TENM2: variants seen among roughly 807,000 people sequenced by gnomAD.
TENM2 encodes the protein teneurin transmembrane protein 2.
In TENM2, 52 loss-of-function variants were observed where a neutral mutation model predicts 245.2. The observed-to-expected ratio is 0.21, with a 90% CI of 0.17 to 0.27. The LOEUF is 0.27. TENM2 is among the 10% of genes least tolerant of loss of function. TENM2 has a pLI of 1.00. For synonymous variants in TENM2, 1,363 were observed against 1,438.9 expected (o/e 0.95, Z 1.19); for missense variants, 3,046 against 3,666.8 (o/e 0.83, Z 4.37).
At chr5:167,344,406 T>G (rs1758339199) in intron 1 of TENM2, among the ~76,000 whole-genome samples, 1 of 151,328 alleles carries the variant, frequency 6.6e-6, no homozygotes, top group Non-Finnish European at 1.5e-5. Context: ...GAATTGCATT[T>G]GCTATTTTTA....
intron 2 of TENM2, among the ~76,000 whole-genome samples, chr5:167,818,545 T>C (rs748455032): frequency 1.3e-5 from 2 of 152,098 alleles, no homozygotes; most frequent in African/African-American, 2.4e-5. Flanking sequence ...ATGAGGAAAC[T>C]GAGTCTCAAG....
rs766380827 is a variant in TENM2, at chr5:168,134,620, G to A, written c.2422+7654G>A. The stretch of plus-strand genomic sequence containing the variant: ...GAGAATCACTTGAACTCGGGAGGCA[G>A]AGGTTGCAGTGAGCCGAGATTGCGC... On this transcript the variant is annotated intron_variant, in intron 12 of 28. Coordinates refer to ENST00000518659, the Ensembl canonical transcript of TENM2. Among the ~76,000 whole-genome samples the A allele has an allele frequency of 3.9e-4, 60 of 152,190 alleles. 1 individual carries two copies. The highest frequency in any genetic ancestry group is 1.5e-4 in the Non-Finnish European group (10 of 68,038).
At chr5:167,921,992 T>A (rs1488620908) in intron 3 of TENM2, among the ~76,000 whole-genome samples, 2 of 152,062 alleles carry the variant, frequency 1.3e-5, no homozygotes, top group Non-Finnish European at 2.9e-5. Context: ...TTCAGTGAAG[T>A]CTCATGAGTC....
At chr5:168,140,550 G>A (rs931522069) in intron 12 of TENM2, among the ~76,000 whole-genome samples, 8 of 152,108 alleles carry the variant, frequency 5.3e-5, no homozygotes, top group African/African-American at 1.7e-4. Context: ...GTGTGCATGC[G>A]TGTGTGTGCG....
intron 2 of TENM2, among the ~76,000 whole-genome samples, chr5:167,545,724 A>G (rs1772520405): frequency 6.6e-6 from 1 of 152,182 alleles, no homozygotes; most frequent in Non-Finnish European, 1.5e-5. Flanking sequence ...ACAAAGCCCT[A>G]TTTAAATACT....
chr5:167,967,193 G>A (rs1781446151), intron 4 of TENM2: 1 of 152,058 alleles, frequency 6.6e-6, no homozygotes, highest in Non-Finnish European at 1.5e-5. Context: ...CAAGGGGGTT[G>A]GTTGTTGGAT....
At chr5:168,217,267 T>C (rs983203405) in intron 22 of TENM2, among the ~76,000 whole-genome samples, 3 of 152,214 alleles carry the variant, frequency 2.0e-5, no homozygotes, top group East Asian at 1.9e-4. Context: ...TACAGTGTTA[T>C]ATGTCAATCA....
the TENM2 span, among the ~76,000 whole-genome samples, chr5:167,082,622 AGTT>A: frequency 6.6e-6 from 1 of 152,158 alleles, no homozygotes; most frequent in Non-Finnish European, 1.5e-5. Flanking sequence ...CTTTTGACAC[AGTT>A]GTTACTTCAA....
chr5:167,138,923 T>C, the TENM2 span, among the ~76,000 whole-genome samples: 1 of 152,180 alleles, frequency 6.6e-6, no homozygotes, highest in Non-Finnish European at 1.5e-5. Context: ...GCGCCTGGCC[T>C]GTTTTACTAA....
chr5:166,979,191 C>G, the TENM2 span, among the ~76,000 whole-genome samples: 145 of 85,266 alleles, frequency 1.7e-3, 1 homozygote, highest in East Asian at 4.9e-3. Flanking sequence ...AGCAGCACCA[C>G]CACCAGCAGC....
At chr5:167,381,111 A>G (rs1761073404) in intron 2 of TENM2, among the ~76,000 whole-genome samples, 2 of 152,144 alleles carry the variant, frequency 1.3e-5, no homozygotes, top group East Asian at 1.9e-4. Context: ...TATGAGGAGT[A>G]ATGAGGCACT....
intron 2 of TENM2, among the ~76,000 whole-genome samples, chr5:167,669,879 A>G (rs1453806186): frequency 1.3e-5 from 2 of 151,840 alleles, no homozygotes; most frequent in Admixed American, 1.3e-4. Context: ...TTTTTAAATA[A>G]AAGACTATTA....
chr5:167,418,663 T>A (rs1229683022), intron 2 of TENM2, among the ~76,000 whole-genome samples: 4 of 152,196 alleles, frequency 2.6e-5, no homozygotes, highest in Non-Finnish European at 4.4e-5. Context: ...CCTTATGTGA[T>A]TAATATTAGA....
intron 4 of TENM2, among the ~76,000 whole-genome samples, chr5:167,983,333 A>T (rs1447148175): frequency 6.6e-6 from 1 of 152,216 alleles, no homozygotes; most frequent in Non-Finnish European, 1.5e-5. Context: ...TTTACCATGA[A>T]AAATGCTATG....
intron 3 of TENM2, among the ~76,000 whole-genome samples, chr5:167,913,859 C>G (rs1370757019): frequency 6.6e-6 from 1 of 152,194 alleles, no homozygotes; most frequent in Non-Finnish European, 1.5e-5. Context: ...TTGCCTCTGT[C>G]TTCTTATCAG....
At chr5:167,761,763 C>T (rs945008169) in intron 2 of TENM2, among the ~76,000 whole-genome samples, 3 of 152,162 alleles carry the variant, frequency 2.0e-5, no homozygotes, top group Admixed American at 6.6e-5. Context: ...GAATTTCTCA[C>T]TTCACTCCCC....
chr5:168,013,557 T>C (rs1383579377), intron 5 of TENM2, among the ~76,000 whole-genome samples: 1 of 152,106 alleles, frequency 6.6e-6, no homozygotes, highest in East Asian at 1.9e-4. Context: ...TGAGCCGAGA[T>C]CGTGCCACTG....
chr5:167,383,320 T>C (rs1387496998), intron 2 of TENM2, among the ~76,000 whole-genome samples: 1 of 152,130 alleles, frequency 6.6e-6, no homozygotes, highest in African/African-American at 2.4e-5. Context: ...TTCGTGGGTC[T>C]TGAACTCTAT....
At chr5:168,259,436 A>C (rs1274868109) in intron 27 of TENM2, among the ~76,000 whole-genome samples, 7 of 151,968 alleles carry the variant, frequency 4.6e-5, no homozygotes, top group Non-Finnish European at 7.4e-5. Context: ...GAAAAATACA[A>C]AATTAGCCAG....
Sources: allele counts gnomAD v4.1 joint callset (sites outside exome capture counted in the v4.1 genomes callset), GRCh38; gene constraint gnomAD v4.1.1; transcripts MANE v1.5; gene names NCBI Gene and HGNC (gene_info 2026-07-23, HGNC 2026-07-21).